Variants in EVA1A observed in about 807,000 individuals in gnomAD.
EVA1A encodes eva-1 homolog A, regulator of programmed cell death.
EVA1A carries 7 observed loss-of-function variants against 9.8 expected under a neutral mutation model. The observed-to-expected ratio is 0.71, with a 90% CI of 0.41 to 1.34. EVA1A has a LOEUF of 1.34. Ranked by LOEUF, EVA1A falls within the 40% of genes most tolerant of loss-of-function variation. The pLI is 0.01. For synonymous variants in EVA1A, 90 were observed against 85.6 expected (o/e 1.05, Z -0.28); for missense variants, 206 against 205.9 (o/e 1.00, Z 0.00).
chr2:75,529,649 T>C (rs1675574482), intron 1 of EVA1A, among the ~76,000 whole-genome samples: 1 of 152,210 alleles, frequency 6.6e-6, no homozygotes. Context: ...CTGAATGATC[T>C]TTGGGTCAAC....
rs149805820 is a variant in EVA1A at position 75,536,243 on chromosome 2, G to A, written c.-191-13756C>T. On this transcript the variant is annotated intron_variant, in intron 1 of 3. Coordinates refer to ENST00000393913, the MANE Select transcript of EVA1A (RefSeq NM_001135032.2). ...CCAGCTACTCAGGAGGCTGAAGGGG[G>A]AGGATGGCTTGAGCCCAGGTGGCAG... Among the ~76,000 whole-genome samples, 65 of 152,250 alleles carry A rather than the reference G, an allele frequency of 4.3e-4. 1 individual carries two copies. The East Asian group carries it at 0.012, about 28-fold the overall frequency.
At chr2:75,507,942 T>C (rs906685802) in intron 3 of EVA1A, among the ~76,000 whole-genome samples, 2 of 152,218 alleles carry the variant, frequency 1.3e-5, no homozygotes, top group Admixed American at 1.3e-4. Flanking sequence ...GAAGATTTCA[T>C]GGACATTTAT....
chr2:75,552,830 C>T (rs1676571647), intron 1 of EVA1A, among the ~76,000 whole-genome samples: 1 of 152,140 alleles, frequency 6.6e-6, no homozygotes, highest in African/African-American at 2.4e-5. Flanking sequence ...GACTCCAAAT[C>T]TCAGGCTTTT....
intron 3 of EVA1A, among the ~76,000 whole-genome samples, chr2:75,510,061 C>T (rs767703059): frequency 2.0e-5 from 3 of 152,092 alleles, no homozygotes; most frequent in Non-Finnish European, 4.4e-5. Flanking sequence ...TAAAACACTT[C>T]TATGAAATGA....
intron 1 of EVA1A, among the ~76,000 whole-genome samples, chr2:75,537,213 A>T (rs1245826202): frequency 6.6e-6 from 1 of 152,366 alleles, no homozygotes; most frequent in East Asian, 1.9e-4. Context: ...GCTAAAGAAA[A>T]AAAGTCATGT....
intron 1 of EVA1A, among the ~76,000 whole-genome samples, chr2:75,539,624 G>A (rs1334312421): frequency 6.6e-6 from 1 of 152,104 alleles, no homozygotes; most frequent in Admixed American, 6.5e-5. Flanking sequence ...GAAAAGCTGA[G>A]ATTTGAAGAT....
At chr2:75,499,638 G>C (rs1260264726) in intron 3 of EVA1A, among the ~76,000 whole-genome samples, 3 of 152,140 alleles carry the variant, frequency 2.0e-5, no homozygotes, top group African/African-American at 7.2e-5. Context: ...TCCTCTGAAA[G>C]AGACTTGACT....
At chr2:75,559,717 T>TGGGGGGGGGGGGGGG (rs1457049048) in intron 1 of EVA1A, among the ~76,000 whole-genome samples, 1 of 52,784 alleles carries the variant, frequency 1.9e-5, no homozygotes, top group Admixed American at 1.9e-4. Flanking sequence ...GCGGGGGAGT[T>TGGGGGGGGGGGGGGG]GGGGGGACGG....
intron 1 of EVA1A, among the ~76,000 whole-genome samples, chr2:75,537,762 T>C (rs1275933975): frequency 1.3e-5 from 2 of 152,180 alleles, no homozygotes; most frequent in African/African-American, 4.8e-5. Flanking sequence ...ATGCGAGAGC[T>C]GACTGTTTAA....
rs1214636631 is a variant in EVA1A at position 75,518,828 on chromosome 2, C to T, written c.-68-620G>A. Reference sequence around the variant, plus strand: ...ACCTTGATCAGTTTGCCTCATCCCTCAGGTCACTAAATGTGTGCCTTTGGC... The same window carrying T: ...ACCTTGATCAGTTTGCCTCATCCCTTAGGTCACTAAATGTGTGCCTTTGGC... On this transcript the variant is annotated intron_variant, in intron 2 of 3. Coordinates refer to ENST00000393913, the MANE Select transcript of EVA1A (RefSeq NM_001135032.2). 5 of 985,398 alleles carry T rather than the reference C, an allele frequency of 5.1e-6. No individual in the cohort carries two copies. The African/African-American group carries it at 7.0e-5, about 14-fold the overall frequency. The allele number at this position is 985,398 out of a possible 1,614,324, so 61.0% of individuals were successfully genotyped here.
chr2:75,502,522 G>A (rs1373875276), intron 3 of EVA1A, among the ~76,000 whole-genome samples: 1 of 152,142 alleles, frequency 6.6e-6, no homozygotes, highest in African/African-American at 2.4e-5. Flanking sequence ...GGTATATACA[G>A]ATATACATAT....
At chr2:75,527,155 T>A (rs938630029) in intron 1 of EVA1A, among the ~76,000 whole-genome samples, 1 of 152,082 alleles carries the variant, frequency 6.6e-6, no homozygotes, top group Middle Eastern at 3.2e-3. Flanking sequence ...AACATCATTT[T>A]AAAAAACAAA....
chr2:75,525,812 G>A (rs1675414709), intron 1 of EVA1A, among the ~76,000 whole-genome samples: 1 of 152,178 alleles, frequency 6.6e-6, no homozygotes, highest in Non-Finnish European at 1.5e-5. Context: ...ACGTGGTGGT[G>A]GCCACAGACC....
chr2:75,542,369 C>T (rs1208813868), intron 1 of EVA1A: 1 of 152,278 alleles, frequency 6.6e-6, no homozygotes, highest in Non-Finnish European at 1.5e-5. Context: ...AGGATCCACA[C>T]TGCCTAGAGT....
At chr2:75,544,154 G>T (rs541117473) in intron 1 of EVA1A, among the ~76,000 whole-genome samples, 102 of 152,272 alleles carry the variant, frequency 6.7e-4, no homozygotes, top group Middle Eastern at 6.8e-3. Context: ...AATTGGGAAA[G>T]CTGTAGTTCC....
At chr2:75,518,744 C>T in intron 2 of EVA1A, 8 of 986,618 alleles carry the variant, frequency 8.1e-6, no homozygotes, top group Non-Finnish European at 9.6e-6. Context: ...AACTACAAGC[C>T]ACAGCCCTCT....
chr2:75,543,195 C>T (rs1357941955), intron 1 of EVA1A, among the ~76,000 whole-genome samples: 1 of 151,974 alleles, frequency 6.6e-6, no homozygotes, highest in Non-Finnish European at 1.5e-5. Flanking sequence ...TCTAGAATTG[C>T]AAATAGGGAA....
At chr2:75,549,134 G>A (rs1676442614) in intron 1 of EVA1A, among the ~76,000 whole-genome samples, 1 of 151,776 alleles carries the variant, frequency 6.6e-6, no homozygotes, top group Admixed American at 6.6e-5. Context: ...CAATCCAGAA[G>A]GTTGGATGGG....
rs755060473 is a variant in EVA1A, at chr2:75,493,206, C to G, written c.*30G>C. 3 of 1,583,510 alleles carry G rather than the reference C, an allele frequency of 1.9e-6. No individual in the cohort carries two copies. The highest frequency in any genetic ancestry group is 2.6e-6 in the Non-Finnish European group (3 of 1,164,096). On this transcript the variant is annotated 3_prime_UTR_variant, in exon 4 of 4. Coordinates refer to ENST00000393913, the MANE Select transcript of EVA1A (RefSeq NM_001135032.2). ...GCAGACGCTCTCCTTTCCAGGCGGC[C>G]TCCAGTGGTTTCCGGGGTCCTGCTG...
Sources: gnomAD v4.1 joint callset for allele counts (sites outside exome capture counted in the v4.1 genomes callset) on GRCh38, gnomAD v4.1.1 for gene constraint, MANE v1.5 for transcripts, NCBI Gene and HGNC (gene_info 2026-07-23, HGNC 2026-07-21) for gene names.